Variants in RBM26 observed in about 807,000 individuals in gnomAD.
The protein encoded by RBM26 is RNA-binding protein 26.
A neutral mutation model predicts 123.6 loss-of-function variants in RBM26; 30 were observed. The ratio of observed to expected loss-of-function variants is 0.24; its 90% CI spans 0.18 to 0.33. The LOEUF is 0.33. Ranked by LOEUF, RBM26 falls within the 10% of genes least tolerant of loss-of-function variation. RBM26 has a pLI of 1.00. For synonymous variants in RBM26, 400 were observed against 404.4 expected, an observed-to-expected ratio of 0.99 and a Z score of 0.13; for missense variants, 947 against 1,203.6, an observed-to-expected ratio of 0.79 and a Z score of 3.15.
chr13:79,393,901 CTTTT>C (rs2078320828), intron 1 of RBM26, among the ~76,000 whole-genome samples: 1 of 152,184 alleles, frequency 6.6e-6, no homozygotes, highest in Admixed American at 6.5e-5. Flanking sequence ...ACTGCCTATT[CTTTT>C]TGTGTGTGTG....
At chr13:79,397,086 C>A (rs905095284) in intron 1 of RBM26, among the ~76,000 whole-genome samples, 7 of 152,062 alleles carry the variant, frequency 4.6e-5, no homozygotes, top group African/African-American at 1.7e-4. Context: ...GAGGCTGAGG[C>A]CTGAGAATCG....
chr13:79,315,044 C>G (rs2138214066), downstream of RBM26: 1 of 1,104,376 alleles, frequency 9.1e-7, no homozygotes, highest in Non-Finnish European at 1.2e-6. Flanking sequence ...GCAAATAAAT[C>G]TAAAACTTGA....
chr13:79,403,939 G>GT (rs773739509), intron 1 of RBM26, among the ~76,000 whole-genome samples: 1 of 152,104 alleles, frequency 6.6e-6, no homozygotes, highest in Non-Finnish European at 1.5e-5. Context: ...CCATACACTT[G>GT]TTTTTTAATG....
At chr13:79,397,879 A>G (rs1359081384) in intron 1 of RBM26, among the ~76,000 whole-genome samples, 2 of 152,112 alleles carry the variant, frequency 1.3e-5, no homozygotes, top group Non-Finnish European at 1.5e-5. Context: ...AAATCAGAAA[A>G]TCAAAATTTT....
intron 18 of RBM26, among the ~76,000 whole-genome samples, chr13:79,340,163 T>G (rs2071123127): frequency 2.4e-5 from 1 of 41,704 alleles, no homozygotes; most frequent in East Asian, 2.2e-3. Context: ...TTTTCAAACT[T>G]TTTTTTTTCC....
At chr13:79,382,899 T>A (rs1473939276) in intron 1 of RBM26, among the ~76,000 whole-genome samples, 1 of 62,932 alleles carries the variant, frequency 1.6e-5, no homozygotes, top group Admixed American at 1.7e-4. Context: ...GATATCATTA[T>A]TAGATGGTTT....
At chr13:79,314,254 C>T (rs1021934385), downstream of RBM26, 2 of 151,454 alleles carry the variant, frequency 1.3e-5, no homozygotes, top group Non-Finnish European at 3.0e-5. Flanking sequence ...AGGTCGTCTT[C>T]GATGTCTTGA....
At chr13:79,388,155 T>G (rs1206534545) in intron 1 of RBM26, among the ~76,000 whole-genome samples, 1 of 152,254 alleles carries the variant, frequency 6.6e-6, no homozygotes, top group Non-Finnish European at 1.5e-5. Context: ...TGGAATGCAG[T>G]GGCGATCTCA....
At chr13:79,404,104 T>A (rs566384080) in intron 1 of RBM26, among the ~76,000 whole-genome samples, 1 of 152,318 alleles carries the variant, frequency 6.6e-6, no homozygotes, top group East Asian at 1.9e-4. Context: ...TTTAGACTCA[T>A]ATATTCAATG....
downstream of RBM26, among the ~76,000 whole-genome samples, chr13:79,318,269 T>A (rs75760526): frequency 6.3e-5 from 9 of 143,846 alleles, no homozygotes; most frequent in Admixed American, 4.1e-4. Context: ...AAAAAAAAAA[T>A]TGGCACTGAA....
intron 1 of RBM26, among the ~76,000 whole-genome samples, chr13:79,389,285 T>C (rs1240360342): frequency 6.6e-6 from 1 of 152,180 alleles, no homozygotes; most frequent in Non-Finnish European, 1.5e-5. Context: ...ACCAAGAAAG[T>C]ATACTTAATA....
intron 18 of RBM26, among the ~76,000 whole-genome samples, chr13:79,340,226 A>G (rs1263564153): frequency 1.3e-5 from 2 of 152,052 alleles, no homozygotes; most frequent in African/African-American, 2.4e-5. Context: ...GTTTCCAGAG[A>G]ATGCAAAGGT....
chr13:79,338,563 A>T (rs2070852759), intron 18 of RBM26, among the ~76,000 whole-genome samples: 1 of 152,234 alleles, frequency 6.6e-6, no homozygotes, highest in Non-Finnish European at 1.5e-5. Flanking sequence ...ATAAGCCTGG[A>T]GAAAGGCAGA....
At chr13:79,373,807 T>C (rs1198895245) in intron 3 of RBM26, among the ~76,000 whole-genome samples, 1 of 145,952 alleles carries the variant, frequency 6.9e-6, no homozygotes, top group East Asian at 2.0e-4. Context: ...CACAGCAGCA[T>C]GACAGCTATA....
intron 18 of RBM26, among the ~76,000 whole-genome samples, chr13:79,340,833 T>A (rs1216929507): frequency 6.6e-6 from 1 of 151,946 alleles, no homozygotes; most frequent in Non-Finnish European, 1.5e-5. Flanking sequence ...AAGTTTTCTA[T>A]TCCAGGGAGG....
intron 14 of RBM26, among the ~76,000 whole-genome samples, chr13:79,352,160 T>C (rs543335755): frequency 1.2e-4 from 18 of 152,262 alleles, no homozygotes; most frequent in Admixed American, 1.1e-3. Context: ...AAGTTTAACA[T>C]TGTAAATAAA....
chr13:79,392,523 A>G, intron 1 of RBM26, among the ~76,000 whole-genome samples: 1 of 146,570 alleles, frequency 6.8e-6, no homozygotes, highest in East Asian at 1.9e-4. Flanking sequence ...TTATATAATT[A>G]TATGTTATAT....
chr13:79,318,943 G>GACTA lies in RBM26; in HGVS notation c.*1674_*1677dup, dbSNP rs1203154693. 1.6e-5 allele frequency: 16 copies of GACTA among 974,606 alleles called. No individual in the cohort carries two copies. Among genetic ancestry groups the GACTA allele is most frequent in the Non-Finnish European group, 2.0e-5 (16 of 820,426 alleles). 60.4% of individuals were successfully genotyped at this position (974,606 alleles called of 1,614,324 possible). On this transcript the variant is annotated 3_prime_UTR_variant, in exon 22 of 22. Coordinates refer to ENST00000438737, the MANE Select transcript of RBM26 (RefSeq NM_001366735.2). The stretch of plus-strand genomic sequence containing the variant: ...AATAGCACATAGTCAACATACAAGA[G>GACTA]ACTACATAAAAATAGATCTTTGATT...
At chr13:79,370,235 G>T (rs141424584) in intron 5 of RBM26, among the ~76,000 whole-genome samples, 4 of 152,252 alleles carry the variant, frequency 2.6e-5, no homozygotes, top group African/African-American at 9.6e-5. Context: ...ATCATCGCTT[G>T]AACTCAGGAG....
Sources: allele counts gnomAD v4.1 joint callset (sites outside exome capture counted in the v4.1 genomes callset), GRCh38; gene constraint gnomAD v4.1.1; transcripts MANE v1.5; gene names NCBI Gene and HGNC (gene_info 2026-07-23, HGNC 2026-07-21).